The following PRDM5 variants were observed in gnomAD, a reference collection of about 807,000 sequenced individuals.
PRDM5 encodes PR/SET domain 5.
PRDM5 carries 56 observed loss-of-function variants against 81.2 expected under a neutral mutation model. The observed-to-expected ratio is 0.69, with a 90% CI of 0.56 to 0.86. The LOEUF (loss-of-function observed/expected upper bound fraction) is 0.86, where lower values mean the gene tolerates loss of function less well. PRDM5 is among the 40% of genes least tolerant of loss of function. The pLI, the probability that PRDM5 is intolerant of heterozygous loss-of-function variation, is 0.00. For missense variants in PRDM5, 697 were observed against 770.1 expected (o/e 0.91, Z 1.12); for synonymous variants, 267 against 256.4 (o/e 1.04, Z -0.39).
At chr4:120,719,596 C>A (rs542597652) in intron 14 of PRDM5, among the ~76,000 whole-genome samples, 1 of 152,140 alleles carries the variant, frequency 6.6e-6, no homozygotes, top group East Asian at 1.9e-4. Context: ...TACAATAGAC[C>A]TTATATAAAG....
At chr4:120,846,489 A>G (rs1758666264) in intron 3 of PRDM5, among the ~76,000 whole-genome samples, 1 of 152,216 alleles carries the variant, frequency 6.6e-6, no homozygotes, top group Non-Finnish European at 1.5e-5. Context: ...ACATTTTAGC[A>G]ATAAAGTATT....
chr4:120,746,271 C>T (rs1473754303), intron 14 of PRDM5, among the ~76,000 whole-genome samples: 2 of 142,692 alleles, frequency 1.4e-5, no homozygotes, highest in East Asian at 2.0e-4. Flanking sequence ...ACACCTTATA[C>T]AAAAATTAAT....
At chr4:120,918,431 G>A (rs1412305567) in intron 1 of PRDM5, among the ~76,000 whole-genome samples, 1 of 152,058 alleles carries the variant, frequency 6.6e-6, no homozygotes. Context: ...CTTCTACACT[G>A]ATCAACACAA....
At chr4:120,726,608 C>A (rs1351811373) in intron 14 of PRDM5, among the ~76,000 whole-genome samples, 1 of 152,152 alleles carries the variant, frequency 6.6e-6, no homozygotes, top group African/African-American at 2.4e-5. Flanking sequence ...GAAGAAGATT[C>A]GATTAACATA....
At chr4:120,701,984 T>TC (rs1735447492) in intron 15 of PRDM5, among the ~76,000 whole-genome samples, 1 of 152,102 alleles carries the variant, frequency 6.6e-6, no homozygotes, top group South Asian at 2.1e-4. Flanking sequence ...TGGTACAACT[T>TC]CCCCTCTCTG....
chr4:120,723,936 T>A (rs1739022571), intron 14 of PRDM5, among the ~76,000 whole-genome samples: 1 of 144,200 alleles, frequency 6.9e-6, no homozygotes, highest in Admixed American at 6.8e-5. Flanking sequence ...TTTTTTTTTT[T>A]TTTTTTTTTT....
chr4:120,688,607 G>A (rs1473076616), downstream of PRDM5, among the ~76,000 whole-genome samples: 1 of 151,950 alleles, frequency 6.6e-6, no homozygotes, highest in Non-Finnish European at 1.5e-5. Flanking sequence ...TAAAGTTTTG[G>A]GTTTTACATT....
intron 1 of PRDM5, among the ~76,000 whole-genome samples, chr4:120,913,593 T>C (rs755746591): frequency 2.6e-5 from 4 of 152,216 alleles, no homozygotes; most frequent in Non-Finnish European, 4.4e-5. Flanking sequence ...TATGGTGACC[T>C]GAATGCAACA....
chr4:120,734,223 C>A (rs1435361749), intron 14 of PRDM5, among the ~76,000 whole-genome samples: 1 of 150,758 alleles, frequency 6.6e-6, no homozygotes, highest in Non-Finnish European at 1.5e-5. Flanking sequence ...AGAGGAGCCG[C>A]TGTAGGGGAT....
rs575395064 is a variant in PRDM5, at chr4:120,808,744, T to C, written c.945+2626A>G. The stretch of plus-strand genomic sequence containing the variant: ...CAGGCACGGTGGGCTGCAGGTCCCG[T>C]GCCCTCCCCTACAGGGAGGTAGCTA... On this transcript the variant is annotated intron_variant, in intron 8 of 15. Transcript: ENST00000264808. Among the ~76,000 whole-genome samples, 3 of 152,234 alleles carry C rather than the reference T, an allele frequency of 2.0e-5. No individual in the cohort carries two copies. The East Asian group carries it at 5.8e-4, about 30-fold the overall frequency.
chr4:120,719,600 T>C (rs1348113284), intron 14 of PRDM5, among the ~76,000 whole-genome samples: 1 of 152,212 alleles, frequency 6.6e-6, no homozygotes, highest in Non-Finnish European at 1.5e-5. Flanking sequence ...ATAGACCTTA[T>C]ATAAAGATGT....
At chr4:120,895,568 ATCT>A (rs1764522210) in intron 2 of PRDM5, 2 of 152,500 alleles carry the variant, frequency 1.3e-5, no homozygotes, top group African/African-American at 4.8e-5. Context: ...CTCTGCCCTC[ATCT>A]TCTTCATCAA....
intron 3 of PRDM5, among the ~76,000 whole-genome samples, chr4:120,831,810 T>C (rs1458181572): frequency 6.6e-6 from 1 of 152,128 alleles, no homozygotes; most frequent in Non-Finnish European, 1.5e-5. Flanking sequence ...GGTAAATAAA[T>C]ATAGATTTAT....
In PRDM5 at chr4:120,799,346, C is replaced by A. The variant is rs543901533; in HGVS notation, c.1030+315G>T. 1.2e-4 allele frequency among the ~76,000 whole-genome samples: 19 copies of A among 152,240 alleles called. 2 individuals carry two copies. The South Asian group carries it at 3.7e-3, about 30-fold the overall frequency. On this transcript the variant is annotated intron_variant, in intron 9 of 15. Coordinates refer to ENST00000264808, the MANE Select transcript of PRDM5 (RefSeq NM_018699.4). The stretch of plus-strand genomic sequence containing the variant: ...AAATGATCTCATTTAATCTTTGCAG[C>A]TAATTTGAAAGGTAGGCACCAGTAT...
rs1745187346 is a variant in PRDM5 at position 120,758,891 on chromosome 4, G to T, written c.1538-4253C>A. 3.9e-5 allele frequency among the ~76,000 whole-genome samples: 6 copies of T among 152,032 alleles called. No individual in the cohort carries two copies. The South Asian group carries it at 1.2e-3, about 32-fold the overall frequency. ...CTACCTCAGCCTCCTAAGTAGCTGG[G>T]ACTACAGGTGCCCGCCACCACGCCT... is the stretch of plus-strand genomic sequence containing the variant. On this transcript the variant is annotated intron_variant, in intron 13 of 15. Coordinates refer to ENST00000264808, the MANE Select transcript of PRDM5 (RefSeq NM_018699.4).
intron 2 of PRDM5, chr4:120,896,447 C>A (rs1764622254): frequency 6.6e-6 from 1 of 152,072 alleles, no homozygotes; most frequent in African/African-American, 2.4e-5. Context: ...GATAGCACAG[C>A]ATCTCTTCAT....
At chr4:120,732,209 G>T (rs1740364681) in intron 14 of PRDM5, among the ~76,000 whole-genome samples, 1 of 152,084 alleles carries the variant, frequency 6.6e-6, no homozygotes, top group Non-Finnish European at 1.5e-5. Flanking sequence ...TTATTCTTAA[G>T]ACTGAATATA....
chr4:120,785,184 A>G, intron 10 of PRDM5, 93 bp from the exon 11 acceptor site: 2 of 957,190 alleles, frequency 2.1e-6, no homozygotes, highest in Non-Finnish European at 1.7e-6. Flanking sequence ...CGAAAGAGGA[A>G]AGAAGGGAAG....
chr4:120,688,561 C>G (rs1733919392), downstream of PRDM5, among the ~76,000 whole-genome samples: 1 of 151,968 alleles, frequency 6.6e-6, no homozygotes, highest in Non-Finnish European at 1.5e-5. Flanking sequence ...AGATATGATG[C>G]CATAAAGCAT....
Sources: allele counts gnomAD v4.1 joint callset (sites outside exome capture counted in the v4.1 genomes callset), GRCh38; gene constraint gnomAD v4.1.1; transcripts MANE v1.5; gene names NCBI Gene and HGNC (gene_info 2026-07-23, HGNC 2026-07-21).